The following RSU1 variants were observed in gnomAD, a reference collection of about 807,000 sequenced individuals.
RSU1 encodes Ras suppressor protein 1, also known as rsu-1.
Under a neutral mutation model 31.1 loss-of-function variants are expected in RSU1, and 26 were observed. That is an observed-to-expected ratio of 0.84 (90% CI 0.61 to 1.16). RSU1 has a LOEUF of 1.16. Ranked by LOEUF, RSU1 falls within the 50% of genes most tolerant of loss-of-function variation. The probability of loss-of-function intolerance (pLI) is 0.00; values close to 1 mark genes in which losing one functional copy is unlikely to be tolerated. For synonymous variants in RSU1, 164 were observed against 136.3 expected (o/e 1.20, Z -1.41); for missense variants, 320 against 339.1 (o/e 0.94, Z 0.44).
rs200148474 is a variant in RSU1, at chr10:16,752,566, G to A, written c.571C>T (p.Arg191Cys). Residue 191 changes from arginine (R) to cysteine (C), a missense_variant, in exon 7 of 9, where the codon CGC (arginine) becomes TGC (cysteine). Physicochemically the swap from Arg to Cys is radical, Grantham distance 180. Transcript: ENST00000345264. ...QLKELHIQGN[R>C]LTVLPPELGN... ...AGTTCTGGGGGCAGAACGGTGAGGCGGTTCCCCTGAATGTGGAGCTCTTTA... is the reference window on the plus strand; with the variant it reads ...AGTTCTGGGGGCAGAACGGTGAGGCAGTTCCCCTGAATGTGGAGCTCTTTA... The A allele has an allele frequency of 3.8e-5, 61 of 1,613,962 alleles. 1 individual carries two copies. In the South Asian group the frequency reaches 4.2e-4, roughly 11 times the overall value.
chr10:16,605,960 A>C (rs1439215697), intron 8 of RSU1, among the ~76,000 whole-genome samples: 1 of 151,422 alleles, frequency 6.6e-6, no homozygotes, highest in Non-Finnish European at 1.5e-5. Flanking sequence ...CACCATGCCT[A>C]ATTTTTTTTC....
chr10:16,637,338 G>A (rs565312506), intron 8 of RSU1, among the ~76,000 whole-genome samples: 71 of 152,300 alleles, frequency 4.7e-4, no homozygotes, highest in Middle Eastern at 3.4e-3. Context: ...TGGGGTTTAC[G>A]CAGGGGCCTG....
intron 2 of RSU1, among the ~76,000 whole-genome samples, chr10:16,794,765 T>C (rs1342497775): frequency 6.6e-6 from 1 of 152,236 alleles, no homozygotes; most frequent in Non-Finnish European, 1.5e-5. Flanking sequence ...GGAATGTCCT[T>C]TATGACAGCA....
chr10:16,739,904 C>T (rs1404401061), intron 7 of RSU1, among the ~76,000 whole-genome samples: 2 of 152,066 alleles, frequency 1.3e-5, no homozygotes, highest in Admixed American at 6.6e-5. Context: ...AGCCACCGTG[C>T]CCGGCCAAAA....
At chr10:16,640,982 T>A (rs926168340) in intron 8 of RSU1, among the ~76,000 whole-genome samples, 7 of 152,220 alleles carry the variant, frequency 4.6e-5, no homozygotes, top group Non-Finnish European at 7.3e-5. Context: ...AGAAGGCTTG[T>A]AGTATCATTG....
chr10:16,756,972 T>C (rs1321747547), intron 4 of RSU1, among the ~76,000 whole-genome samples: 2 of 149,150 alleles, frequency 1.3e-5, no homozygotes, highest in Non-Finnish European at 3.0e-5. Context: ...TAGGTATGAG[T>C]GTGGTGTGGT....
chr10:16,735,597 G>A (rs896288329), intron 7 of RSU1, among the ~76,000 whole-genome samples: 1 of 152,160 alleles, frequency 6.6e-6, no homozygotes, highest in Non-Finnish European at 1.5e-5. Context: ...AATTTATAAA[G>A]GGAAGAGGTT....
At chr10:16,655,074 A>AG (rs1366650671) in intron 8 of RSU1, among the ~76,000 whole-genome samples, 7 of 77,562 alleles carry the variant, frequency 9.0e-5, no homozygotes, top group Non-Finnish European at 1.9e-4. Context: ...AAAAAAAAAA[A>AG]AGAGAGAGAG....
At position 16,654,361 on chromosome 10, in the gene RSU1, C is replaced by CAAAA. The variant is rs536600415; in HGVS notation, c.731+40658_731+40661dup. Among the ~76,000 whole-genome samples, 23 of 92,258 alleles carry CAAAA rather than the reference C, an allele frequency of 2.5e-4. 1 individual carries two copies. The highest frequency in any genetic ancestry group is 6.7e-3 in the Middle Eastern group (1 of 150). The allele number at this position is 92,258 out of a possible 152,430, so 60.5% of individuals were successfully genotyped here. A position where few individuals can be genotyped will look rare whatever the true frequency, so the allele number is the denominator to read the frequency against. On this transcript the variant is annotated intron_variant, in intron 8 of 8. Coordinates refer to ENST00000345264, the MANE Select transcript of RSU1 (RefSeq NM_012425.4). Reference sequence around the variant, plus strand: ...GGTTTGTTGCCTACACCTAAATTTGCAAAAAAAAAAAAAAAAAAAGGAAAT... The same window carrying CAAAA: ...GGTTTGTTGCCTACACCTAAATTTGCAAAAAAAAAAAAAAAAAAAAAAAGGAAAT...
intron 8 of RSU1, among the ~76,000 whole-genome samples, chr10:16,688,269 C>G (rs569181743): frequency 4.6e-5 from 7 of 152,230 alleles, no homozygotes; most frequent in African/African-American, 1.4e-4. Flanking sequence ...AACTTTGAAT[C>G]ACATATTATG....
At chr10:16,638,290 G>A (rs1834380764) in intron 8 of RSU1, among the ~76,000 whole-genome samples, 6 of 152,058 alleles carry the variant, frequency 3.9e-5, no homozygotes, top group Admixed American at 3.3e-4. Flanking sequence ...TCATTTGAAC[G>A]TAATGCCTTT....
intron 2 of RSU1, among the ~76,000 whole-genome samples, chr10:16,795,944 C>T (rs990612472): frequency 1.3e-5 from 2 of 152,132 alleles, no homozygotes; most frequent in East Asian, 1.9e-4. Context: ...TCTCTGCGTC[C>T]GCCTCAACCT....
intron 7 of RSU1, among the ~76,000 whole-genome samples, chr10:16,734,078 C>G (rs1284151160): frequency 6.6e-6 from 1 of 152,216 alleles, no homozygotes; most frequent in African/African-American, 2.4e-5. Flanking sequence ...TCGGAACACA[C>G]AAAGTGACAG....
chr10:16,619,595 C>A (rs1193664188), intron 8 of RSU1, among the ~76,000 whole-genome samples: 1 of 152,122 alleles, frequency 6.6e-6, no homozygotes. Flanking sequence ...TTTCCTTGAA[C>A]AAAAGGTGGC....
chr10:16,716,549 T>C (rs1287175788), intron 7 of RSU1, among the ~76,000 whole-genome samples: 1 of 151,856 alleles, frequency 6.6e-6, no homozygotes, highest in Non-Finnish European at 1.5e-5. Flanking sequence ...CCTCCTTCCA[T>C]ACATGATATG....
At position 16,631,367 on chromosome 10, in the gene RSU1, T is replaced by C. The variant is rs536711384; in HGVS notation, c.732-37871A>G. On this transcript the variant is annotated intron_variant, in intron 8 of 8. Transcript: ENST00000345264. ...GGGGCCTGTTAGCACGGCAGGGACA[T>C]GGCCACATCTCAGAGAGTGCGCTTG... 1.3e-3 allele frequency among the ~76,000 whole-genome samples: 199 copies of C among 152,300 alleles called. 1 individual carries two copies. Among genetic ancestry groups the C allele is most frequent in the African/African-American group, 4.7e-3 (194 of 41,568 alleles).
At chr10:16,797,676 A>G (rs1838067625) in intron 2 of RSU1, among the ~76,000 whole-genome samples, 1 of 152,206 alleles carries the variant, frequency 6.6e-6, no homozygotes, top group African/African-American at 2.4e-5. Context: ...TACATGACAC[A>G]AAACAGAAAC....
chr10:16,770,274 C>A (rs1837397262), intron 3 of RSU1, among the ~76,000 whole-genome samples: 1 of 152,146 alleles, frequency 6.6e-6, no homozygotes, highest in Non-Finnish European at 1.5e-5. Context: ...GGAGCTCTGC[C>A]TGGGTGCAGC....
At chr10:16,763,034 C>A (rs1388275760) in intron 4 of RSU1, among the ~76,000 whole-genome samples, 7 of 151,828 alleles carry the variant, frequency 4.6e-5, no homozygotes, top group African/African-American at 1.2e-4. Context: ...CTGGGAAATA[C>A]CTGGCCAGCA....
Sources: allele counts gnomAD v4.1 joint callset (sites outside exome capture counted in the v4.1 genomes callset), GRCh38; gene constraint gnomAD v4.1.1; transcripts MANE v1.5; gene names NCBI Gene and HGNC (gene_info 2026-07-23, HGNC 2026-07-21).